Variants in NPAS2 observed in about 807,000 individuals in gnomAD.
NPAS2 encodes the protein neuronal PAS domain protein 2, also known as neuronal PAS domain-containing protein 2.
A neutral mutation model predicts 107.5 loss-of-function variants in NPAS2; 23 were observed. The ratio of observed to expected loss-of-function variants is 0.21; its 90% CI spans 0.15 to 0.30. NPAS2 has a LOEUF of 0.30. Ranked by LOEUF, NPAS2 falls within the 10% of genes least tolerant of loss-of-function variation. The pLI is 1.00. For missense variants in NPAS2, 756 were observed against 1,043.3 expected (o/e 0.72, Z 3.79); for synonymous variants, 403 against 417.5 (o/e 0.97, Z 0.42).
intron 1 of NPAS2, among the ~76,000 whole-genome samples, chr2:100,897,397 A>C (rs1681479082): frequency 6.6e-6 from 1 of 152,144 alleles, no homozygotes; most frequent in Admixed American, 6.5e-5. Flanking sequence ...TTTAAGTTTC[A>C]CCGCTGTCCT....
At chr2:100,920,904 T>A (rs1269273189) in intron 2 of NPAS2, among the ~76,000 whole-genome samples, 1 of 152,178 alleles carries the variant, frequency 6.6e-6, no homozygotes, top group Non-Finnish European at 1.5e-5. Flanking sequence ...GAAAGGCCAC[T>A]CCTCCTAGGA....
intron 1 of NPAS2, among the ~76,000 whole-genome samples, chr2:100,846,481 G>C (rs186969447): frequency 4.4e-4 from 67 of 152,224 alleles, no homozygotes; most frequent in African/African-American, 1.6e-3. Flanking sequence ...ACTGTGTGTA[G>C]GAGTTAAAAG....
chr2:100,929,352 TGCTCC>T (rs1683795155), intron 3 of NPAS2, among the ~76,000 whole-genome samples: 1 of 152,208 alleles, frequency 6.6e-6, no homozygotes, highest in Non-Finnish European at 1.5e-5. Context: ...ACTCAATGGC[TGCTCC>T]ACAAGGGGTG....
chr2:100,864,197 C>T (rs761552160), intron 1 of NPAS2, among the ~76,000 whole-genome samples: 15 of 152,192 alleles, frequency 9.9e-5, no homozygotes, highest in African/African-American at 1.4e-4. Flanking sequence ...TTTATCTTTT[C>T]GGCTTGTTGA....
At chr2:100,975,274 G>T in intron 13 of NPAS2, 184 bp from the exon 14 acceptor site, 1 of 627,208 alleles carries the variant, frequency 1.6e-6, no homozygotes. Flanking sequence ...AGTGTTTGTG[G>T]TGTCTCCTAC....
intron 15 of NPAS2, among the ~76,000 whole-genome samples, chr2:100,980,492 C>T (rs765765677): frequency 5.9e-5 from 9 of 151,812 alleles, no homozygotes; most frequent in South Asian, 2.1e-4. Context: ...TTTTTTGAGA[C>T]GGGGTCTCAC....
intron 1 of NPAS2, among the ~76,000 whole-genome samples, chr2:100,874,364 C>A (rs1025005215): frequency 6.6e-6 from 1 of 152,116 alleles, no homozygotes; most frequent in African/African-American, 2.4e-5. Flanking sequence ...GCGGAGCACC[C>A]CACATTGCCT....
At chr2:100,868,294 A>G (rs1354734818) in intron 1 of NPAS2, among the ~76,000 whole-genome samples, 1 of 152,212 alleles carries the variant, frequency 6.6e-6, no homozygotes, top group African/African-American at 2.4e-5. Flanking sequence ...ATGTTCTCTC[A>G]GCACATTGAA....
At chr2:100,924,547 T>C (rs955957084) in intron 2 of NPAS2, among the ~76,000 whole-genome samples, 4 of 152,226 alleles carry the variant, frequency 2.6e-5, no homozygotes, top group African/African-American at 9.6e-5. Flanking sequence ...TTTTAAAAAG[T>C]GTTCGTCTGC....
chr2:100,882,505 G>T (rs911237756), intron 1 of NPAS2, among the ~76,000 whole-genome samples: 1 of 152,168 alleles, frequency 6.6e-6, no homozygotes, highest in East Asian at 1.9e-4. Context: ...CCAGCTACTC[G>T]GGAGGCTGAG....
Position 100,827,526 on chromosome 2 carries a change from C to T in NPAS2, c.-23+7112C>T, listed in dbSNP as rs141956861. ...GTACCCAATAGTTAGGTTTTCAGTC[C>T]TTATCCCCTGGCTCCCTGCTCCCTC... On this transcript the variant is annotated intron_variant, in intron 1 of 20. Coordinates refer to ENST00000335681, the MANE Select transcript of NPAS2 (RefSeq NM_002518.4). Among the ~76,000 whole-genome samples, 7 of 152,226 alleles carry T rather than the reference C, an allele frequency of 4.6e-5. No homozygotes were observed. In the East Asian group the frequency reaches 1.3e-3, roughly 29 times the overall value.
chr2:100,967,743 G>T (rs982960534), intron 10 of NPAS2, among the ~76,000 whole-genome samples: 6 of 152,070 alleles, frequency 3.9e-5, no homozygotes, highest in African/African-American at 9.7e-5. Context: ...ACATCACTAT[G>T]GGGGGGCTGC....
chr2:100,973,021 A>T (rs777878290), intron 12 of NPAS2, among the ~76,000 whole-genome samples: 3 of 152,154 alleles, frequency 2.0e-5, no homozygotes, highest in Non-Finnish European at 4.4e-5. Context: ...TCCACTAAAA[A>T]TACAAAAATT....
chr2:100,979,096 G>A (rs773383672), intron 15 of NPAS2, among the ~76,000 whole-genome samples: 3 of 152,212 alleles, frequency 2.0e-5, no homozygotes, highest in Non-Finnish European at 4.4e-5. Context: ...TGCCCTCTTA[G>A]TGGGGGTCTC....
intron 16 of NPAS2, chr2:100,984,373 C>T (rs993367421): frequency 1.3e-5 from 2 of 152,110 alleles, no homozygotes; most frequent in African/African-American, 4.8e-5. Flanking sequence ...TCCAGCCCAC[C>T]CCCAAAAGTA....
intron 1 of NPAS2, among the ~76,000 whole-genome samples, chr2:100,854,158 CAAAAAAA>C (rs70943046): frequency 5.0e-5 from 3 of 59,600 alleles, no homozygotes; most frequent in African/African-American, 6.8e-5. Context: ...CCTGCCTCAA[CAAAAAAA>C]AAAAAAAAAA....
intron 1 of NPAS2, among the ~76,000 whole-genome samples, chr2:100,851,657 C>G (rs895221438): frequency 2.6e-5 from 4 of 152,100 alleles, no homozygotes; most frequent in African/African-American, 9.7e-5. Flanking sequence ...GAGTGACATG[C>G]GGAAATGCAT....
chr2:100,869,111 T>TC (rs1679414708), intron 1 of NPAS2, among the ~76,000 whole-genome samples: 1 of 151,650 alleles, frequency 6.6e-6, no homozygotes, highest in Non-Finnish European at 1.5e-5. Flanking sequence ...GTATTTTTTT[T>TC]TTTTTGCAGA....
intron 1 of NPAS2, among the ~76,000 whole-genome samples, chr2:100,879,104 C>T (rs1448323757): frequency 1.3e-5 from 2 of 148,196 alleles, no homozygotes; most frequent in East Asian, 3.9e-4. Flanking sequence ...CAGAGCGAGA[C>T]TCTGTCTCAA....
Sources: allele counts gnomAD v4.1 joint callset (sites outside exome capture counted in the v4.1 genomes callset), GRCh38; gene constraint gnomAD v4.1.1; transcripts MANE v1.5; gene names NCBI Gene and HGNC (gene_info 2026-07-23, HGNC 2026-07-21).